The following SIN3B variants were observed in gnomAD, a reference collection of about 807,000 sequenced individuals.
SIN3B encodes SIN3 transcription regulator family member B.
A neutral mutation model predicts 120.2 loss-of-function variants in SIN3B; 19 were observed. The observed-to-expected ratio is 0.16, with a 90% confidence interval of 0.11 to 0.23. SIN3B has a LOEUF of 0.23. Among genes scored for constraint, SIN3B ranks in the 10% least tolerant of loss-of-function variants. SIN3B has a pLI of 1.00. For synonymous variants in SIN3B, 654 were observed against 653.2 expected (o/e 1.00, Z -0.02); for missense variants, 1,073 against 1,573.0 (o/e 0.68, Z 5.38).
At position 16,841,785 on chromosome 19, in the gene SIN3B, C is replaced by T. The variant is rs1368239958; in HGVS notation, c.399C>T (p.His133=). 14 of 1,613,858 alleles carry T rather than the reference C, an allele frequency of 8.7e-6. No individual in the cohort carries two copies. The highest frequency in any genetic ancestry group is 1.1e-5 in the Non-Finnish European group (13 of 1,179,988). The part of the protein sequence containing the change: ...PLTSQENSHN[H]GDGAEDFKQQ... The stretch of plus-strand genomic sequence containing the variant: ...CTTGTCAGGAGAATTCGCACAACCA[C>T]GGGGACGGTGCAGAGGACTTCAAGC... The change falls in exon 4 of 19, where the codon CAC becomes CAT. Residue 133 remains histidine, a synonymous_variant. Coordinates refer to ENST00000248054, the MANE Select transcript of SIN3B (RefSeq NM_001297595.2).
intron 14 of SIN3B, among the ~76,000 whole-genome samples, chr19:16,874,910 C>T (rs2051568480): frequency 1.5e-5 from 2 of 132,414 alleles, no homozygotes; most frequent in Non-Finnish European, 3.2e-5. Context: ...CTGGTCTAAT[C>T]TGGTCTAGTT....
intron 3 of SIN3B, among the ~76,000 whole-genome samples, chr19:16,832,446 C>T (rs1487131359): frequency 6.6e-6 from 1 of 151,094 alleles, no homozygotes; most frequent in African/African-American, 2.4e-5. Flanking sequence ...GATCTGCCTG[C>T]TTCAGCTTCC....
intron 10 of SIN3B, among the ~76,000 whole-genome samples, chr19:16,864,186 C>T (rs1324711455): frequency 2.0e-5 from 3 of 151,926 alleles, no homozygotes; most frequent in African/African-American, 7.3e-5. Context: ...CCCAGCTACT[C>T]GAGAGGCAGA....
chr19:16,866,432 G>A lies in SIN3B; in HGVS notation c.1682G>A (p.Arg561Gln). Residue 561 changes from arginine (R) to glutamine (Q), a missense_variant, in exon 12 of 19, where the codon CGG becomes CAG. Transcript: ENST00000248054. Reference protein sequence around the residue: ...EAQQGFNKIWREQYEKAYLKS... With the variant: ...EAQQGFNKIWQEQYEKAYLKS... ...CAGCAGGGCTTCAACAAGATCTGGC[G>A]GGAGCAGTATGAGAAGGCGTACCTC... 1.2e-6 allele frequency: 2 copies of A among 1,613,650 alleles called. No homozygotes were observed. Among genetic ancestry groups the A allele is most frequent in the African/African-American group, 1.3e-5 (1 of 75,016 alleles).
intron 12 of SIN3B, among the ~76,000 whole-genome samples, chr19:16,867,788 A>ACCTCCCTTCCCGTGGG (rs1332205363): frequency 1.3e-5 from 2 of 151,002 alleles, no homozygotes; most frequent in African/African-American, 4.9e-5. Context: ...CTTCCCTCCC[A>ACCTCCCTTCCCGTGGG]CCTCCCTTCC....
At position 16,877,592 on chromosome 19, in the gene SIN3B, C is replaced by T. The variant is rs1476968310; in HGVS notation, c.2907C>T (p.Ser969=). 4.3e-6 allele frequency: 7 copies of T among 1,612,366 alleles called. No homozygotes were observed. The East Asian group carries it at 8.9e-5, about 21-fold the overall frequency. The part of the protein sequence containing the change: ...VEQYVGTEGA[S]SSPTEGFLLK... ...AGTATGTGGGGACCGAGGGCGCGTC[C>T]AGCTCGCCCACTGAGGGCTTCCTCC... The change falls in exon 17 of 19, where the codon TCC becomes TCT. Residue 969 remains serine, a synonymous_variant. Coordinates refer to ENST00000248054, the MANE Select transcript of SIN3B (RefSeq NM_001297595.2).
Position 16,869,549 on chromosome 19 carries a change from C to A in SIN3B, c.1896C>A (p.Asp632Glu), listed in dbSNP as rs149058304. 1.2e-6 allele frequency: 2 copies of A among 1,613,876 alleles called. No individual in the cohort carries two copies. Among genetic ancestry groups the A allele is most frequent in the Non-Finnish European group, 1.7e-6 (2 of 1,180,028 alleles). The change falls in exon 13 of 19, where the codon GAC becomes GAA. Residue 632 changes from aspartate to glutamate, a missense_variant. Coordinates refer to ENST00000248054, the MANE Select transcript of SIN3B (RefSeq NM_001297595.2). ...FVYEDRQILE[D>E]AAALISYYVK... Reference sequence around the variant, plus strand: ...ACGAGGACCGGCAGATCCTGGAGGACGCAGCAGCGCTCATCAGCTACTACG... The same window carrying A: ...ACGAGGACCGGCAGATCCTGGAGGAAGCAGCAGCGCTCATCAGCTACTACG...
chr19:16,839,680 G>A (rs2144581066), intron 3 of SIN3B, among the ~76,000 whole-genome samples: 1 of 152,256 alleles, frequency 6.6e-6, no homozygotes, highest in African/African-American at 2.4e-5. Flanking sequence ...CCCCCTGTGA[G>A]CCTGAGCAGA....
chr19:16,837,452 TGAG>T (rs1971362540), intron 3 of SIN3B, among the ~76,000 whole-genome samples: 1 of 150,206 alleles, frequency 6.7e-6, no homozygotes, highest in Admixed American at 6.6e-5. Context: ...TCCCAAGTGA[TGAG>T]GACAGAATGG....
intron 5 of SIN3B, among the ~76,000 whole-genome samples, chr19:16,848,223 G>A (rs1300733349): frequency 1.3e-5 from 2 of 152,120 alleles, no homozygotes; most frequent in Non-Finnish European, 2.9e-5. Flanking sequence ...TTTATTGCAC[G>A]GATTTGTTTG....
chr19:16,857,917 C>A (rs1345414993), intron 8 of SIN3B, among the ~76,000 whole-genome samples: 1 of 152,122 alleles, frequency 6.6e-6, no homozygotes, highest in Non-Finnish European at 1.5e-5. Flanking sequence ...AACTCTGTCA[C>A]CCAGGCTGGA....
chr19:16,869,491 C>G lies in SIN3B; in HGVS notation c.1838C>G (p.Ala613Gly), dbSNP rs767339010. 1.9e-6 allele frequency: 3 copies of G among 1,611,752 alleles called. No individual in the cohort carries two copies. In the African/African-American group the frequency reaches 4.0e-5, roughly 22 times the overall value. The change falls in exon 13 of 19, where the codon GCC becomes GGC. Residue 613 changes from alanine (A) to glycine (G), a missense_variant. Transcript: ENST00000248054. The stretch of plus-strand genomic sequence containing the variant: ...GAGCAGCACTCGGAGGGCCGCAGTG[C>G]CCCCTCTAGCGAGCCGCACCTCATC... ...HQEQHSEGRSAPSSEPHLIFV... is the reference protein window; with the variant it reads ...HQEQHSEGRSGPSSEPHLIFV...
chr19:16,847,022 A>C lies in SIN3B; in HGVS notation c.635A>C (p.Glu212Ala). 6.2e-7 allele frequency: 1 copy of C among 1,614,142 alleles called. No homozygotes were observed. Among genetic ancestry groups the C allele is most frequent in the Non-Finnish European group, 8.5e-7 (1 of 1,179,998 alleles). Residue 212 changes from glutamate to alanine, a missense_variant, in exon 5 of 19, where the codon GAG (glutamate) becomes GCG (alanine). Physicochemically the swap from Glu to Ala is moderately radical, Grantham distance 107 (BLOSUM62 -1). Transcript: ENST00000248054. ...CCATTCCGAGGCATGTCTGAAGAGG[A>C]GGTGTTCACCGAGGTGGCCAACCTC... ...GRPFRGMSEEEVFTEVANLFR... is the reference protein window; with the variant it reads ...GRPFRGMSEEAVFTEVANLFR...
At chr19:16,856,223 C>G (rs1971612947) in intron 8 of SIN3B, among the ~76,000 whole-genome samples, 1 of 152,152 alleles carries the variant, frequency 6.6e-6, no homozygotes, top group Non-Finnish European at 1.5e-5. Context: ...CGTATCCATT[C>G]TCGGGCTCAC....
At chr19:16,842,229 T>C (rs1439744365) in intron 4 of SIN3B, among the ~76,000 whole-genome samples, 2 of 146,890 alleles carry the variant, frequency 1.4e-5, no homozygotes, top group East Asian at 2.1e-4. Context: ...CGGAGGCTAC[T>C]TGGGGCTAGA....
intron 8 of SIN3B, among the ~76,000 whole-genome samples, chr19:16,859,146 T>C (rs1410224781): frequency 1.3e-5 from 2 of 151,746 alleles, no homozygotes; most frequent in African/African-American, 4.8e-5. Context: ...TGAGAACCTG[T>C]CTCAAAAAAA....
At chr19:16,863,548 C>G in intron 9 of SIN3B, 132 bp from the exon 10 acceptor site, 1 of 680,374 alleles carries the variant, frequency 1.5e-6, no homozygotes, top group East Asian at 2.6e-5. Context: ...ATGCACCTTC[C>G]CATTTGTATA....
Position 16,879,831 on chromosome 19 carries a change from C to G in SIN3B, c.*1104C>G, listed in dbSNP as rs781447986. Reference sequence around the variant, plus strand: ...CTGGGGACCACTTCTCCAGGCCTCTCTCCCCGACCATGAGAGCCCCTGGCC... The same window carrying G: ...CTGGGGACCACTTCTCCAGGCCTCTGTCCCCGACCATGAGAGCCCCTGGCC... On this transcript the variant is annotated 3_prime_UTR_variant, in exon 19 of 19. Transcript: ENST00000248054. The G allele has an allele frequency of 6.6e-6, 1 of 152,324 alleles. No individual in the cohort carries two copies. Among genetic ancestry groups the G allele is most frequent in the Non-Finnish European group, 1.5e-5 (1 of 68,122 alleles). 9.4% of individuals were successfully genotyped at this position (152,324 alleles called of 1,614,324 possible).
chr19:16,875,771 T>TG (rs574134603), intron 14 of SIN3B, among the ~76,000 whole-genome samples: 2 of 146,210 alleles, frequency 1.4e-5, no homozygotes, highest in Non-Finnish European at 3.0e-5. Context: ...TGGTCTGGTC[T>TG]GTTTGGTCTG....
Sources: gnomAD v4.1 joint callset for allele counts (sites outside exome capture counted in the v4.1 genomes callset) on GRCh38, gnomAD v4.1.1 for gene constraint, MANE v1.5 for transcripts, NCBI Gene and HGNC (gene_info 2026-07-23, HGNC 2026-07-21) for gene names.